NRG3: variants seen among roughly 807,000 people sequenced by gnomAD.
The protein encoded by NRG3 is neuregulin 3, also known as pro-neuregulin-3, membrane-bound isoform.
NRG3 carries 31 observed loss-of-function variants against 66.9 expected under a neutral mutation model. The ratio of observed to expected loss-of-function variants is 0.46; its 90% CI spans 0.35 to 0.63. The LOEUF (loss-of-function observed/expected upper bound fraction) is 0.63, where lower values mean the gene tolerates loss of function less well. NRG3 is among the 20% of genes least tolerant of loss of function. NRG3 has a pLI of 0.00. For synonymous variants in NRG3, 393 were observed against 359.4 expected, an observed-to-expected ratio of 1.09 and a Z score of -1.06; for missense variants, 910 against 878.9, an observed-to-expected ratio of 1.04 and a Z score of -0.45.
chr10:82,005,913 G>GTGTGTGTC (rs35003002), intron 1 of NRG3, among the ~76,000 whole-genome samples: 1 of 151,956 alleles, frequency 6.6e-6, no homozygotes, highest in Admixed American at 6.6e-5. Context: ...GTGTGTGTGT[G>GTGTGTGTC]TGTGTGTGTG....
At chr10:82,401,745 A>C (rs1417575586) in intron 2 of NRG3, among the ~76,000 whole-genome samples, 1 of 152,106 alleles carries the variant, frequency 6.6e-6, no homozygotes, top group Non-Finnish European at 1.5e-5. Context: ...TTCTTATTTC[A>C]GTTTTATTTG....
intron 4 of NRG3, among the ~76,000 whole-genome samples, chr10:82,935,393 C>A (rs1231422937): frequency 6.6e-6 from 1 of 152,104 alleles, no homozygotes; most frequent in Non-Finnish European, 1.5e-5. Flanking sequence ...CACAAGTACA[C>A]AAGGCTCTTT....
chr10:82,659,753 A>G (rs576682906), intron 2 of NRG3, among the ~76,000 whole-genome samples: 2 of 152,126 alleles, frequency 1.3e-5, no homozygotes, highest in Non-Finnish European at 2.9e-5. Context: ...GCCATATCTT[A>G]TTTACCATGA....
chr10:82,141,673 A>G (rs73320361), intron 1 of NRG3, among the ~76,000 whole-genome samples: 2,329 of 152,278 alleles, frequency 0.015, 62 homozygotes, highest in African/African-American at 0.053. Flanking sequence ...GGTTTTAAAA[A>G]GTTGTATTAT....
chr10:82,050,503 G>A (rs1289581448), intron 1 of NRG3, among the ~76,000 whole-genome samples: 1 of 151,872 alleles, frequency 6.6e-6, no homozygotes, highest in Non-Finnish European at 1.5e-5. Flanking sequence ...TGGGATTTGT[G>A]CTGTTAGTCT....
intron 2 of NRG3, among the ~76,000 whole-genome samples, chr10:82,672,997 T>A (rs1276257896): frequency 1.3e-5 from 2 of 152,224 alleles, no homozygotes; most frequent in Non-Finnish European, 2.9e-5. Context: ...ATGACCCACC[T>A]GCCTCAGCCT....
chr10:82,408,046 CGA>C (rs536927208), intron 2 of NRG3, among the ~76,000 whole-genome samples: 3,237 of 54,154 alleles, frequency 0.06, 110 homozygotes, highest in East Asian at 0.081. Flanking sequence ...AAGACTACAT[CGA>C]GAGAGAGAGA....
At chr10:82,376,294 G>T (rs1242413333) in intron 2 of NRG3, among the ~76,000 whole-genome samples, 1 of 152,330 alleles carries the variant, frequency 6.6e-6, no homozygotes, top group South Asian at 2.1e-4. Flanking sequence ...ATCTCTGTAA[G>T]TGGGACTAAG....
Position 82,979,039 on chromosome 10 carries a change from G to A in NRG3, c.1502G>A (p.Arg501Lys). The A allele has an allele frequency of 6.2e-7, 1 of 1,614,090 alleles. No homozygotes were observed. The highest frequency in any genetic ancestry group is 1.7e-5 in the Admixed American group (1 of 60,016). Reference protein sequence around the residue: ...FRRTPPSPRSRLGGIVGPAYQ... With the variant: ...FRRTPPSPRSKLGGIVGPAYQ... ...AGGACACCCCCGTCACCCCGAAGTAGGCTAGGTGGAATTGTGGGACCAGCA... is the reference window on the plus strand; with the variant it reads ...AGGACACCCCCGTCACCCCGAAGTAAGCTAGGTGGAATTGTGGGACCAGCA... Residue 501 changes from arginine (R) to lysine (K), a missense_variant, in exon 8 of 9, where the codon AGG (arginine) becomes AAG (lysine). By Grantham distance (26) the Arg-to-Lys change is conservative. Transcript: ENST00000372141.
chr10:82,221,790 A>G (rs1306292193), intron 1 of NRG3, among the ~76,000 whole-genome samples: 2 of 152,188 alleles, frequency 1.3e-5, no homozygotes, highest in African/African-American at 4.8e-5. Context: ...CCTTATGTCC[A>G]GGAAAAGAGC....
intron 1 of NRG3, among the ~76,000 whole-genome samples, chr10:82,017,056 G>T (rs1250358521): frequency 1.3e-5 from 2 of 152,006 alleles, no homozygotes; most frequent in Non-Finnish European, 2.9e-5. Context: ...TTTACATTAG[G>T]TATATCTCCT....
intron 3 of NRG3, among the ~76,000 whole-genome samples, chr10:82,767,551 AT>A (rs1224268572): frequency 6.6e-6 from 1 of 150,968 alleles, no homozygotes; most frequent in African/African-American, 2.4e-5. Context: ...TCTACATTTT[AT>A]TTTTTCTTTT....
rs61688310 is a variant in NRG3 at position 81,938,393 on chromosome 10, T to TGTG, written c.823+62230_823+62231insGTG. Among the ~76,000 whole-genome samples the TGTG allele has an allele frequency of 1.6e-4, 21 of 133,852 alleles. No homozygotes were observed. In the South Asian group the frequency reaches 2.6e-3, roughly 17 times the overall value. 87.8% of individuals were successfully genotyped at this position (133,852 alleles called of 152,430 possible). A position where few individuals can be genotyped will look rare whatever the true frequency, so the allele number is the denominator to read the frequency against. The stretch of plus-strand genomic sequence containing the variant: ...TGCCATTTATTTGTGTGTGTGTGTG[T>TGTG]TTTTTTTTTTCCAGCAATGTCTTAT... On this transcript the variant is annotated intron_variant, in intron 1 of 8. Coordinates refer to ENST00000372141, the MANE Select transcript of NRG3 (RefSeq NM_001010848.4).
intron 2 of NRG3, among the ~76,000 whole-genome samples, chr10:82,714,706 A>G (rs914581662): frequency 9.9e-5 from 15 of 152,248 alleles, no homozygotes; most frequent in African/African-American, 3.6e-4. Context: ...CAAGAAAAAC[A>G]TAGTGGTATA....
chr10:82,290,266 G>T (rs959714961), intron 1 of NRG3, among the ~76,000 whole-genome samples: 16 of 152,142 alleles, frequency 1.1e-4, no homozygotes, highest in African/African-American at 3.9e-4. Flanking sequence ...GTCTAATTAT[G>T]ATTTTTGCTG....
At chr10:82,686,393 G>A (rs981022263) in intron 2 of NRG3, among the ~76,000 whole-genome samples, 5 of 151,942 alleles carry the variant, frequency 3.3e-5, no homozygotes, top group South Asian at 2.1e-4. Flanking sequence ...TTGCCATGTT[G>A]ACCAGGCTGG....
In NRG3 at chr10:82,421,894, C is replaced by T. The variant is rs572795764; in HGVS notation, c.953+63026C>T. Among the ~76,000 whole-genome samples the T allele has an allele frequency of 9.3e-4, 141 of 152,150 alleles. 1 individual carries two copies. The highest frequency in any genetic ancestry group is 1.5e-3 in the Non-Finnish European group (100 of 67,944). On this transcript the variant is annotated intron_variant, in intron 2 of 8. Transcript: ENST00000372141. ...TGTAATACTGCCTTGAAAACAGTCC[C>T]TTCTGGGTGTCATTTCAACTACTTT...
intron 3 of NRG3, among the ~76,000 whole-genome samples, chr10:82,816,078 A>C (rs1053074671): frequency 3.9e-5 from 6 of 152,238 alleles, no homozygotes; most frequent in Admixed American, 2.6e-4. Context: ...ACAGAGCCCC[A>C]AAAAGGGTGT....
chr10:82,213,492 A>G (rs1383149210), intron 1 of NRG3, among the ~76,000 whole-genome samples: 1 of 152,150 alleles, frequency 6.6e-6, no homozygotes, highest in Non-Finnish European at 1.5e-5. Flanking sequence ...CATCCTCAAG[A>G]TATTATGTAT....
Sources: allele counts gnomAD v4.1 joint callset (sites outside exome capture counted in the v4.1 genomes callset), GRCh38; gene constraint gnomAD v4.1.1; transcripts MANE v1.5; gene names NCBI Gene and HGNC (gene_info 2026-07-23, HGNC 2026-07-21).